The following ZNF813 variants were observed in gnomAD, a reference collection of about 807,000 sequenced individuals.
The protein encoded by ZNF813 is zinc finger protein 813.
In ZNF813, 3 loss-of-function variants were observed where a neutral mutation model predicts 7.2. The ratio of observed to expected loss-of-function variants is 0.42; its 90% CI spans 0.19 to 1.08. The LOEUF is 1.08. Among genes scored for constraint, ZNF813 ranks in the 50% least tolerant of loss-of-function variants. The pLI is 0.30. For synonymous variants in ZNF813, 227 were observed against 256.3 expected (o/e 0.89, Z 1.09); for missense variants, 714 against 753.3 (o/e 0.95, Z 0.61).
chr19:53,486,857 G>C, intron 3 of ZNF813, 99 bp downstream of exon 3: 1 of 1,541,082 alleles, frequency 6.5e-7, no homozygotes, highest in East Asian at 2.3e-5. Context: ...CACCCAGGGT[G>C]GAGTGAAATG....
chr19:53,484,329 A>G (rs2086422828), intron 2 of ZNF813, among the ~76,000 whole-genome samples: 1 of 152,012 alleles, frequency 6.6e-6, no homozygotes, highest in African/African-American at 2.4e-5. Context: ...TCTGACTCCA[A>G]AAATCTTAGT....
chr19:53,477,232 C>A (rs1410226575), intron 1 of ZNF813, among the ~76,000 whole-genome samples: 2 of 152,156 alleles, frequency 1.3e-5, no homozygotes, highest in African/African-American at 2.4e-5. Flanking sequence ...CTGGCCCTGG[C>A]AATGGCTTCT....
At chr19:53,474,421 G>C (rs1312267336) in intron 1 of ZNF813, among the ~76,000 whole-genome samples, 3 of 151,990 alleles carry the variant, frequency 2.0e-5, no homozygotes, top group African/African-American at 7.3e-5. Context: ...GGGCGCGGTG[G>C]CTCATGCCTG....
At chr19:53,485,819 T>C (rs1568832088) in intron 2 of ZNF813, among the ~76,000 whole-genome samples, 1 of 152,144 alleles carries the variant, frequency 6.6e-6, no homozygotes, top group Non-Finnish European at 1.5e-5. Flanking sequence ...ACCATCCTCC[T>C]ACCACAAGCT....
chr19:53,480,373 A>G (rs1355896506), intron 1 of ZNF813, among the ~76,000 whole-genome samples: 1 of 152,074 alleles, frequency 6.6e-6, no homozygotes, highest in East Asian at 1.9e-4. Context: ...GTAAAAAAAA[A>G]AAAAAAAACA....
intron 3 of ZNF813, 30 bp from the exon 4 acceptor site, chr19:53,490,345 T>C (rs760423537): frequency 1.2e-6 from 2 of 1,611,058 alleles, no homozygotes; most frequent in Admixed American, 1.7e-5. Context: ...TGTACTGAAC[T>C]GGAAACCTAT....
Position 53,490,619 on chromosome 19 carries a change from G to T in ZNF813, c.387G>T (p.Arg129Ser), listed in dbSNP as rs190553893. Reference sequence around the variant, plus strand: ...GTAGTGCAGACCGATATGATCAAAGGCATGCTGGAAACAAGCCTATTAAAG... The same window carrying T: ...GTAGTGCAGACCGATATGATCAAAGTCATGCTGGAAACAAGCCTATTAAAG... The part of the protein sequence containing the change: ...LTGSADRYDQ[R>S]HAGNKPIKDQ... Residue 129 changes from arginine (R) to serine (S), a missense_variant, in exon 4 of 4, where the codon AGG becomes AGT. Physicochemically the swap from Arg to Ser is moderately radical, Grantham distance 110 (BLOSUM62 -1). Coordinates refer to ENST00000396403, the MANE Select transcript of ZNF813 (RefSeq NM_001004301.4). 1.9e-6 allele frequency: 3 copies of T among 1,613,994 alleles called. No homozygotes were observed. In the East Asian group the frequency reaches 6.7e-5, roughly 36 times the overall value.
intron 1 of ZNF813, among the ~76,000 whole-genome samples, chr19:53,476,946 G>A (rs113455313): frequency 4.2e-4 from 64 of 152,280 alleles, no homozygotes; most frequent in African/African-American, 1.3e-3. Context: ...ACAGGCATAA[G>A]CCACCGCGCC....
At position 53,492,728 on chromosome 19, in the gene ZNF813, A is replaced by C; in HGVS notation, c.*642A>C. On this transcript the variant is annotated 3_prime_UTR_variant, in exon 4 of 4. Transcript: ENST00000396403. ...GATCATACAAGTGTAATAATCGGCA[A>C]ATTTTTCAGACATCGTCCATACCTT... 3.0e-6 allele frequency: 2 copies of C among 660,878 alleles called. No homozygotes were observed. Among genetic ancestry groups the C allele is most frequent in the African/African-American group, 1.8e-5 (1 of 54,532 alleles). 40.9% of individuals were successfully genotyped at this position (660,878 alleles called of 1,614,324 possible).
chr19:53,488,357 T>C, intron 3 of ZNF813: 1 of 394,832 alleles, frequency 2.5e-6, no homozygotes, highest in Admixed American at 3.2e-5. Context: ...CTGGAGAACT[T>C]TATATATATT....
intron 1 of ZNF813, among the ~76,000 whole-genome samples, chr19:53,471,795 G>C (rs1432933443): frequency 1.7e-5 from 2 of 117,578 alleles, no homozygotes; most frequent in East Asian, 4.9e-4. Context: ...CTGCGTGACA[G>C]AGTGAGACTG....
intron 1 of ZNF813, among the ~76,000 whole-genome samples, chr19:53,482,048 G>A (rs1427123103): frequency 6.6e-6 from 1 of 152,148 alleles, no homozygotes; most frequent in African/African-American, 2.4e-5. Flanking sequence ...TGAGGGGCTA[G>A]ACCAGAAAAG....
chr19:53,491,847 G>A lies in ZNF813; in HGVS notation c.1615G>A (p.Ala539Thr). The A allele has an allele frequency of 1.2e-6, 2 of 1,613,618 alleles. No individual in the cohort carries two copies. The highest frequency in any genetic ancestry group is 1.7e-6 in the Non-Finnish European group (2 of 1,179,782). ...GGTTTTTAATCGAAAAACACACCTT[G>A]CACATCATCATAGACTTCATACTGG... ...GKVFNRKTHLAHHHRLHTGDK... is the reference protein window; with the variant it reads ...GKVFNRKTHLTHHHRLHTGDK... The change falls in exon 4 of 4, where the codon GCA becomes ACA. Residue 539 changes from alanine (A) to threonine (T), a missense_variant. Transcript: ENST00000396403.
At chr19:53,483,254 C>G (rs1160763955) in intron 1 of ZNF813, among the ~76,000 whole-genome samples, 1 of 152,168 alleles carries the variant, frequency 6.6e-6, no homozygotes, top group African/African-American at 2.4e-5. Context: ...CCATGTTGGC[C>G]AGGCTGGTCT....
intron 3 of ZNF813, 139 bp from the exon 4 acceptor site, chr19:53,490,236 T>A: frequency 9.9e-7 from 1 of 1,005,774 alleles, no homozygotes; most frequent in East Asian, 2.6e-5. Context: ...ATAAAGAATC[T>A]TACGCTTTTG....
Position 53,491,454 on chromosome 19 carries a change from G to A in ZNF813, c.1222G>A (p.Glu408Lys). Residue 408 changes from glutamate to lysine, a missense_variant, in exon 4 of 4, where the codon GAG (glutamate) becomes AAG (lysine). Physicochemically the swap from Glu to Lys is moderately conservative, Grantham distance 56 (BLOSUM62 1). Coordinates refer to ENST00000396403, the MANE Select transcript of ZNF813 (RefSeq NM_001004301.4). Reference protein sequence around the residue: ...LKCHRRLHTGEKPYKCNECGK... With the variant: ...LKCHRRLHTGKKPYKCNECGK... Reference sequence around the variant, plus strand: ...ATGCCATCGTAGACTTCATACCGGAGAGAAGCCTTACAAGTGTAATGAATG... The same window carrying A: ...ATGCCATCGTAGACTTCATACCGGAAAGAAGCCTTACAAGTGTAATGAATG... 2 of 1,614,150 alleles carry A rather than the reference G, an allele frequency of 1.2e-6. No homozygotes were observed. Among genetic ancestry groups the A allele is most frequent in the South Asian group, 2.2e-5 (2 of 91,078 alleles).
At position 53,490,489 on chromosome 19, in the gene ZNF813, G is replaced by A. The variant is rs776116657; in HGVS notation, c.257G>A (p.Arg86His). 18 of 1,613,960 alleles carry A rather than the reference G, an allele frequency of 1.1e-5. No homozygotes were observed. In the South Asian group the frequency reaches 1.3e-4, roughly 12 times the overall value. Residue 86 changes from arginine to histidine, a missense_variant, in exon 4 of 4, where the codon CGC (arginine) becomes CAC (histidine). By Grantham distance (29) the Arg-to-His change is conservative (BLOSUM62 0). Around this residue, in one of 3 missense-constraint regions of ZNF813, gnomAD observed 563 missense variants for 554.2 expected, o/e 1.02. Transcript: ENST00000396403. ...RHESHHTGDF[R>H]FQEIDKDIHN... is the part of the protein sequence containing the mutation. ...GAAAGTCATCACACTGGAGACTTTC[G>A]CTTTCAGGAAATTGATAAAGATATT...
chr19:53,491,068 C>CT lies in ZNF813; in HGVS notation c.839dup (p.Ser281GlnfsTer11). 1 of 1,614,150 alleles carries CT rather than the reference C, an allele frequency of 6.2e-7. No homozygotes were observed. Among genetic ancestry groups the CT allele is most frequent in the Non-Finnish European group, 8.5e-7 (1 of 1,179,996 alleles). The stretch of plus-strand genomic sequence containing the variant: ...TACAGGTGTAATGAGTGTGGCAAGA[C>CT]TTTCAGTCAGACGTATTCCCTTACA... On this transcript the variant is annotated frameshift_variant, in exon 4 of 4. Coordinates refer to ENST00000396403, the MANE Select transcript of ZNF813 (RefSeq NM_001004301.4). LOFTEE classifies it low-confidence loss of function (END_TRUNC).
At position 53,491,188 on chromosome 19, in the gene ZNF813, G is replaced by T. The variant is rs1380975925; in HGVS notation, c.956G>T (p.Arg319Ile). Residue 319 changes from arginine to isoleucine, a missense_variant, in exon 4 of 4, where the codon AGA becomes ATA. Around this residue, in one of 3 missense-constraint regions of ZNF813, gnomAD observed 563 missense variants for 554.2 expected, o/e 1.02. Coordinates refer to ENST00000396403, the MANE Select transcript of ZNF813 (RefSeq NM_001004301.4). Reference sequence around the variant, plus strand: ...AAATCAAACCTTAAAAGACATAGGAGAATTCATGCTGGAGAAAAACCATAC... The same window carrying T: ...AAATCAAACCTTAAAAGACATAGGATAATTCATGCTGGAGAAAAACCATAC... Reference protein sequence around the residue: ...SFKSNLKRHRRIHAGEKPYKC... With the variant: ...SFKSNLKRHRIIHAGEKPYKC... The T allele has an allele frequency of 1.2e-6, 2 of 1,613,696 alleles. No homozygotes were observed. Among genetic ancestry groups the T allele is most frequent in the Non-Finnish European group, 1.7e-6 (2 of 1,179,790 alleles).
Sources: allele counts gnomAD v4.1 joint callset (sites outside exome capture counted in the v4.1 genomes callset), GRCh38; gene constraint gnomAD v4.1.1; regional missense constraint gnomAD v4.1.1; transcripts MANE v1.5; gene names NCBI Gene and HGNC (gene_info 2026-07-23, HGNC 2026-07-21).